ENTHD1: variants seen among roughly 807,000 people sequenced by gnomAD.
The protein encoded by ENTHD1 is ENTH domain-containing protein 1.
ENTHD1 carries 23 observed loss-of-function variants against 39.1 expected under a neutral mutation model. The observed-to-expected ratio is 0.59, with a 90% confidence interval of 0.42 to 0.83. ENTHD1 has a LOEUF of 0.83. Ranked by LOEUF, ENTHD1 falls within the 40% of genes least tolerant of loss-of-function variation. ENTHD1 has a pLI of 0.00. For synonymous variants in ENTHD1, 230 were observed against 258.2 expected (o/e 0.89, Z 1.05); for missense variants, 624 against 705.4 (o/e 0.88, Z 1.31).
chr22:39,831,596 G>A (rs938415917), intron 4 of ENTHD1, among the ~76,000 whole-genome samples: 4 of 152,130 alleles, frequency 2.6e-5, no homozygotes, highest in African/African-American at 4.8e-5. Flanking sequence ...AAGCCAAGGC[G>A]GGCGGATCAC....
rs370342913 is a variant in ENTHD1, at chr22:39,780,998, C to CAAAAAAAAA, written c.833-15398_833-15390dup. ...TGGGCAACAGAGCGAGACTCCATCT[C>CAAAAAAAAA]AAAAAAAAAAAAGCAAACAGTAGAT... is the stretch of plus-strand genomic sequence containing the variant. On this transcript the variant is annotated intron_variant, in intron 5 of 6. Transcript: ENST00000325157. Among the ~76,000 whole-genome samples, 101 of 124,890 alleles carry CAAAAAAAAA rather than the reference C, an allele frequency of 8.1e-4. 3 individuals carry two copies. Among genetic ancestry groups the CAAAAAAAAA allele is most frequent in the African/African-American group, 2.8e-3 (92 of 32,980 alleles). 81.9% of individuals were successfully genotyped at this position (124,890 alleles called of 152,430 possible).
chr22:39,853,068 G>A (rs1247786526), intron 3 of ENTHD1, among the ~76,000 whole-genome samples: 1 of 152,080 alleles, frequency 6.6e-6, no homozygotes, highest in African/African-American at 2.4e-5. Context: ...CAACATCAAC[G>A]TTGCTGTTTT....
chr22:39,763,438 C>T lies in ENTHD1; in HGVS notation c.1219+1785G>A, dbSNP rs187633698. ...ATACAGGCCCTTCAAGTCCCTGACACCTTGAAAGCTCAAACTCCTACCGTG... is the reference window on the plus strand; with the variant it reads ...ATACAGGCCCTTCAAGTCCCTGACATCTTGAAAGCTCAAACTCCTACCGTG... On this transcript the variant is annotated intron_variant, in intron 6 of 6. Transcript: ENST00000325157. 2.6e-5 allele frequency among the ~76,000 whole-genome samples: 4 copies of T among 152,250 alleles called. No homozygotes were observed. The East Asian group carries it at 7.7e-4, about 29-fold the overall frequency.
intron 3 of ENTHD1, 44 bp from the exon 4 acceptor site, chr22:39,836,002 AGTTAT>A (rs754623336): frequency 2.1e-6 from 3 of 1,452,822 alleles, no homozygotes; most frequent in East Asian, 4.7e-5. Context: ...GGCAAAACAC[AGTTAT>A]GTTTTTATAT....
intron 5 of ENTHD1, among the ~76,000 whole-genome samples, chr22:39,767,384 G>A (rs1240901305): frequency 6.6e-6 from 1 of 152,146 alleles, no homozygotes; most frequent in Non-Finnish European, 1.5e-5. Flanking sequence ...CAGCTACTGG[G>A]AGGCTGAGGT....
intron 5 of ENTHD1, among the ~76,000 whole-genome samples, chr22:39,803,680 C>A (rs2065617083): frequency 6.6e-6 from 1 of 152,098 alleles, no homozygotes; most frequent in African/African-American, 2.4e-5. Context: ...ATGCTTATAG[C>A]AAGTTGAACA....
intron 6 of ENTHD1, among the ~76,000 whole-genome samples, chr22:39,764,773 C>T (rs920419428): frequency 2.0e-5 from 3 of 151,256 alleles, no homozygotes; most frequent in African/African-American, 4.8e-5. Flanking sequence ...AGATCCCCTG[C>T]CCCTTTTGTG....
chr22:39,757,825 C>T (rs1293343449), intron 6 of ENTHD1, among the ~76,000 whole-genome samples: 1 of 151,966 alleles, frequency 6.6e-6, no homozygotes, highest in Non-Finnish European at 1.5e-5. Flanking sequence ...GGTGGTTTCC[C>T]CCATGCTGTT....
chr22:39,817,032 C>A (rs1278982768), intron 5 of ENTHD1, among the ~76,000 whole-genome samples: 2 of 151,788 alleles, frequency 1.3e-5, no homozygotes, highest in Non-Finnish European at 1.5e-5. Context: ...ATAGAAATAT[C>A]TACTCAATAT....
Position 39,867,637 on chromosome 22 carries a change from A to T in ENTHD1, c.350-5630T>A, listed in dbSNP as rs1461608763. The stretch of plus-strand genomic sequence containing the variant: ...GTCTCCCTTCCAATCTACCCTCCAC[A>T]ATGCCTTCAGGTAACGCGGTGGGGG... On this transcript the variant is annotated intron_variant, in intron 2 of 6. Transcript: ENST00000325157. The surrounding 1 kb of genome is among the most constrained non-coding windows in gnomAD (Gnocchi z 4.5). Among the ~76,000 whole-genome samples the T allele has an allele frequency of 6.6e-6, 1 of 152,072 alleles. No homozygotes were observed. The highest frequency in any genetic ancestry group is 2.4e-5 in the African/African-American group (1 of 41,408).
intron 5 of ENTHD1, among the ~76,000 whole-genome samples, chr22:39,811,130 A>T (rs1399649931): frequency 2.0e-5 from 3 of 152,368 alleles, no homozygotes; most frequent in African/African-American, 7.2e-5. Flanking sequence ...TAGAGTATCC[A>T]CTGGTCTGGA....
At chr22:39,757,626 A>C (rs534289428) in intron 6 of ENTHD1, among the ~76,000 whole-genome samples, 10 of 152,056 alleles carry the variant, frequency 6.6e-5, no homozygotes, top group African/African-American at 2.2e-4. Flanking sequence ...GCAGTGAGCC[A>C]AGATCACCCC....
At chr22:39,883,143 G>T (rs897461315) in intron 2 of ENTHD1, among the ~76,000 whole-genome samples, 1 of 150,810 alleles carries the variant, frequency 6.6e-6, no homozygotes, top group Non-Finnish European at 1.5e-5. Flanking sequence ...TCAATCAATT[G>T]CTAATGTACC....
In ENTHD1 at chr22:39,875,589, C is replaced by G. The variant is rs1315921759; in HGVS notation, c.349+11811G>C. Reference sequence around the variant, plus strand: ...CGCCGCCTTGAAGTTTTAGATAGTACGAAGTCTTCAAGAGAAAGCACCGAG... The same window carrying G: ...CGCCGCCTTGAAGTTTTAGATAGTAGGAAGTCTTCAAGAGAAAGCACCGAG... On this transcript the variant is annotated intron_variant, in intron 2 of 6. Coordinates refer to ENST00000325157, the MANE Select transcript of ENTHD1 (RefSeq NM_152512.4). The G allele has an allele frequency of 4.3e-6, 7 of 1,611,650 alleles. No individual in the cohort carries two copies. The African/African-American group carries it at 5.4e-5, about 12-fold the overall frequency.
chr22:39,819,831 G>A (rs2065766921), intron 5 of ENTHD1, among the ~76,000 whole-genome samples: 1 of 152,090 alleles, frequency 6.6e-6, no homozygotes, highest in South Asian at 2.1e-4. Context: ...TTTACTTTCT[G>A]CTCAAATTTG....
chr22:39,842,639 C>T (rs1318985430), intron 3 of ENTHD1, among the ~76,000 whole-genome samples: 2 of 151,920 alleles, frequency 1.3e-5, no homozygotes, highest in African/African-American at 4.8e-5. Context: ...AGCTTCTGTA[C>T]AGCAAAAGAA....
intron 3 of ENTHD1, among the ~76,000 whole-genome samples, chr22:39,849,393 A>G (rs1439020472): frequency 1.3e-5 from 2 of 152,196 alleles, no homozygotes; most frequent in African/African-American, 4.8e-5. Flanking sequence ...CAGGCCAGGT[A>G]TGATGCTAAC....
intron 6 of ENTHD1, among the ~76,000 whole-genome samples, chr22:39,752,118 T>C (rs2065152434): frequency 6.6e-6 from 1 of 152,106 alleles, no homozygotes; most frequent in Non-Finnish European, 1.5e-5. Context: ...GAAATAGATA[T>C]ACTTTTTGGT....
intron 5 of ENTHD1, among the ~76,000 whole-genome samples, chr22:39,820,517 G>A (rs1203942032): frequency 6.6e-6 from 1 of 152,110 alleles, no homozygotes; most frequent in Non-Finnish European, 1.5e-5. Flanking sequence ...CAGAGTAGTC[G>A]CAGAGCCCAG....
Sources: gnomAD v4.1 joint callset for allele counts (sites outside exome capture counted in the v4.1 genomes callset) on GRCh38, gnomAD v4.1.1 for gene constraint, Gnocchi (gnomAD v3.1) non-coding constraint, MANE v1.5 for transcripts, NCBI Gene and HGNC (gene_info 2026-07-23, HGNC 2026-07-21) for gene names.